FBXO38: variants seen among roughly 807,000 people sequenced by gnomAD.
The protein encoded by FBXO38 is F-box only protein 38.
A neutral mutation model predicts 131.9 loss-of-function variants in FBXO38; 53 were observed. The ratio of observed to expected loss-of-function variants is 0.40; its 90% CI spans 0.32 to 0.51. The LOEUF is 0.51. Ranked by LOEUF, FBXO38 falls within the 20% of genes least tolerant of loss-of-function variation. FBXO38 has a pLI of 0.53. For missense variants in FBXO38, 1,076 were observed against 1,475.6 expected (o/e 0.73, Z 4.44); for synonymous variants, 452 against 505.6 (o/e 0.89, Z 1.42).
Position 148,427,913 on chromosome 5 carries a change from C to T in FBXO38, c.2619C>T (p.Ser873=). ...YPRRPLTRAR[S]RLSHVLLVSE... ...GGAGGCCCCTAACCAGGGCCAGGAG[C>T]AGACTGTCCCATGTACTGCTGGTAT... The change falls in exon 15 of 22, where the codon AGC becomes AGT. Residue 873 remains serine, a synonymous_variant. Transcript: ENST00000340253. 2 of 1,532,794 alleles carry T rather than the reference C, an allele frequency of 1.3e-6. No individual in the cohort carries two copies. The highest frequency in any genetic ancestry group is 1.7e-6 in the Non-Finnish European group (2 of 1,142,926). The allele number at this position is 1,532,794 out of a possible 1,614,324, so 94.9% of individuals were successfully genotyped here.
intron 1 of FBXO38, chr5:148,385,165 T>A (rs368908307): frequency 5.9e-4 from 90 of 152,224 alleles, no homozygotes; most frequent in African/African-American, 2.0e-3. Context: ...AACTTTCATT[T>A]TGAGAATTAA....
At chr5:148,393,231 G>GTGTGTGTGTT (rs1758304010) in intron 1 of FBXO38, among the ~76,000 whole-genome samples, 1 of 150,324 alleles carries the variant, frequency 6.7e-6, no homozygotes, top group Non-Finnish European at 1.5e-5. Flanking sequence ...GTGTGTGTGT[G>GTGTGTGTGTT]TGTGATGAGA....
chr5:148,400,289 G>A (rs1214644929), intron 3 of FBXO38, among the ~76,000 whole-genome samples: 1 of 152,064 alleles, frequency 6.6e-6, no homozygotes, highest in Non-Finnish European at 1.5e-5. Flanking sequence ...AATTAGGGCA[G>A]TGTGAAAATG....
intron 5 of FBXO38, among the ~76,000 whole-genome samples, chr5:148,403,522 T>C (rs1322402402): frequency 7.9e-5 from 12 of 152,138 alleles, no homozygotes; most frequent in Admixed American, 7.9e-4. Context: ...TTACAATATA[T>C]GCTAAATTTA....
intron 7 of FBXO38, among the ~76,000 whole-genome samples, chr5:148,407,061 A>G (rs1276529745): frequency 2.6e-5 from 4 of 152,232 alleles, no homozygotes; most frequent in Admixed American, 2.6e-4. Flanking sequence ...CATTGTTAAC[A>G]AACAGACATT....
In FBXO38 at chr5:148,433,347, A is replaced by G. The variant is rs553673673; in HGVS notation, c.2654-77A>G. On this transcript the variant is annotated intron_variant, in intron 15 of 21. Coordinates refer to ENST00000340253, the MANE Select transcript of FBXO38 (RefSeq NM_205836.3). ...TGGGAATTACCTTGATTATGTTCAT[A>G]CGTATGTGATTGAATGTGCTTGAGG... 36 of 953,270 alleles carry G rather than the reference A, an allele frequency of 3.8e-5. No homozygotes were observed. The African/African-American group carries it at 5.2e-4, about 14-fold the overall frequency. The allele number at this position is 953,270 out of a possible 1,614,324, so 59.1% of individuals were successfully genotyped here.
chr5:148,389,498 G>A (rs976248899), intron 1 of FBXO38, among the ~76,000 whole-genome samples: 10 of 152,152 alleles, frequency 6.6e-5, no homozygotes, highest in African/African-American at 1.9e-4. Context: ...CTCTAATGCC[G>A]ATAACTGGAC....
intron 15 of FBXO38, among the ~76,000 whole-genome samples, chr5:148,429,468 A>G (rs1339876928): frequency 2.6e-5 from 4 of 152,064 alleles, no homozygotes; most frequent in Non-Finnish European, 5.9e-5. Flanking sequence ...ATCTCTGGTC[A>G]TTCTATTCTG....
chr5:148,394,106 G>A (rs965580823), intron 1 of FBXO38, among the ~76,000 whole-genome samples: 3 of 152,122 alleles, frequency 2.0e-5, no homozygotes, highest in African/African-American at 7.2e-5. Flanking sequence ...TTCTTTCTCT[G>A]AAGTTGTATA....
chr5:148,422,361 CA>C (rs1753491239), intron 12 of FBXO38, among the ~76,000 whole-genome samples: 1 of 152,114 alleles, frequency 6.6e-6, no homozygotes, highest in South Asian at 2.1e-4. Context: ...TCCCTCCTTC[CA>C]TGTTTTCATG....
intron 3 of FBXO38, 115 bp from the exon 4 acceptor site, chr5:148,401,867 T>A: frequency 1.1e-6 from 1 of 940,490 alleles, no homozygotes; most frequent in Non-Finnish European, 1.6e-6. Context: ...AGTGTTAGCT[T>A]TACGGAAATT....
At chr5:148,385,086 G>A (rs1757842225) in intron 1 of FBXO38, 1 of 152,170 alleles carries the variant, frequency 6.6e-6, no homozygotes, top group East Asian at 1.9e-4. Flanking sequence ...TCCCAGGGAA[G>A]GAGGAGGTCC....
rs749392258 is a variant in FBXO38 at position 148,441,120 on chromosome 5, T to C, written c.3275-4T>C. On this transcript the variant is annotated splice_polypyrimidine_tract_variant and splice_region_variant and intron_variant, in intron 20 of 21. Transcript: ENST00000340253. ...CAGTTAGCAATGTTACATTTGTCTT[T>C]TAGGTGTTGTGGATGGAGCTCCATA... The C allele has an allele frequency of 2.5e-5, 41 of 1,610,286 alleles. No homozygotes were observed. Among genetic ancestry groups the C allele is most frequent in the African/African-American group, 6.7e-5 (5 of 74,850 alleles).
chr5:148,419,191 G>A (rs983255350), intron 12 of FBXO38, among the ~76,000 whole-genome samples: 2 of 152,198 alleles, frequency 1.3e-5, no homozygotes, highest in Admixed American at 6.5e-5. Flanking sequence ...AGAATTGAAG[G>A]ATTAAACAGC....
chr5:148,421,350 T>C (rs1333770725), intron 12 of FBXO38, among the ~76,000 whole-genome samples: 1 of 152,164 alleles, frequency 6.6e-6, no homozygotes, highest in Non-Finnish European at 1.5e-5. Flanking sequence ...TTTTGTAAAA[T>C]TTTTATTTTT....
At chr5:148,430,161 T>TTATTA (rs1561542134) in intron 15 of FBXO38, 1 of 135,150 alleles carries the variant, frequency 7.4e-6, no homozygotes, top group African/African-American at 3.1e-5. Flanking sequence ...TATTATTATT[T>TTATTA]TTTTTTTTTT....
chr5:148,428,804 A>G (rs1203873225), intron 15 of FBXO38, among the ~76,000 whole-genome samples: 1 of 152,234 alleles, frequency 6.6e-6, no homozygotes. Context: ...CTTTCATGAG[A>G]TACATTTGAG....
intron 1 of FBXO38, among the ~76,000 whole-genome samples, chr5:148,386,952 A>G (rs1466307905): frequency 2.0e-5 from 3 of 152,180 alleles, no homozygotes; most frequent in Non-Finnish European, 2.9e-5. Flanking sequence ...AGCGAGTCAT[A>G]ATATTTTTGT....
At chr5:148,439,589 G>T in intron 18 of FBXO38, 58 bp from the exon 19 acceptor site, 2 of 1,512,614 alleles carry the variant, frequency 1.3e-6, no homozygotes, top group Non-Finnish European at 1.8e-6. Context: ...AGCTCTCGGA[G>T]AGAGATTTCT....
Sources: gnomAD v4.1 joint callset for allele counts (sites outside exome capture counted in the v4.1 genomes callset) on GRCh38, gnomAD v4.1.1 for gene constraint, MANE v1.5 for transcripts, NCBI Gene and HGNC (gene_info 2026-07-23, HGNC 2026-07-21) for gene names.